Variants in DTX4 observed in about 807,000 individuals in gnomAD.
DTX4 encodes the protein deltex E3 ubiquitin ligase 4, also known as E3 ubiquitin-protein ligase DTX4.
A neutral mutation model predicts 57.6 loss-of-function variants in DTX4; 28 were observed. The observed-to-expected ratio is 0.49, with a 90% CI of 0.36 to 0.67. DTX4 has a LOEUF of 0.67. Among genes scored for constraint, DTX4 ranks in the 30% least tolerant of loss-of-function variants. The pLI is 0.00. For synonymous variants in DTX4, 316 were observed against 331.0 expected, an observed-to-expected ratio of 0.95 and a Z score of 0.49; for missense variants, 715 against 836.8, an observed-to-expected ratio of 0.85 and a Z score of 1.80.
In DTX4 at chr11:59,189,175, C is replaced by T. The variant is rs778689869; in HGVS notation, c.1011C>T (p.Ile337=). Residue 337 remains isoleucine, a synonymous_variant, in exon 4 of 9, where the codon ATC becomes ATT. Transcript: ENST00000227451. Reference sequence around the variant, plus strand: ...TGCCCCTTCCAGGAATCACTGGGATCCTCATGAGTGCAGCGGGGCTGCCTG... The same window carrying T: ...TGCCCCTTCCAGGAATCACTGGGATTCTCATGAGTGCAGCGGGGCTGCCTG... The part of the protein sequence containing the change: ...VNPALAGITG[I]LMSAAGLPVC... 8 of 1,613,528 alleles carry T rather than the reference C, an allele frequency of 5.0e-6. No individual in the cohort carries two copies. Among genetic ancestry groups the T allele is most frequent in the Admixed American group, 1.7e-5 (1 of 60,026 alleles).
chr11:59,192,496 G>T (rs1862612362), intron 6 of DTX4, among the ~76,000 whole-genome samples: 1 of 152,126 alleles, frequency 6.6e-6, no homozygotes, highest in Admixed American at 6.5e-5. Context: ...TCGGTGTCAG[G>T]TCTAAGAGTG....
At chr11:59,190,381 A>G (rs546567603) in intron 4 of DTX4, among the ~76,000 whole-genome samples, 1 of 152,320 alleles carries the variant, frequency 6.6e-6, no homozygotes, top group African/African-American at 2.4e-5. Context: ...AGGTAGTGCT[A>G]TTGCTCATCC....
chr11:59,181,238 G>A (rs1862458590), intron 1 of DTX4, among the ~76,000 whole-genome samples: 1 of 152,176 alleles, frequency 6.6e-6, no homozygotes, highest in African/African-American at 2.4e-5. Flanking sequence ...CCTACTGTGT[G>A]TCAAGGGCTT....
In DTX4 at chr11:59,185,997, C is replaced by T. The variant is rs867031345; in HGVS notation, c.936-2738C>T. 3.9e-5 allele frequency among the ~76,000 whole-genome samples: 6 copies of T among 152,078 alleles called. No individual in the cohort carries two copies. The South Asian group carries it at 1.0e-3, about 26-fold the overall frequency. ...AAAGGCAAAGCAGGTCAGTGCTGAGCGGGGCTAAAACAAAGACTCCCTGAC... is the reference window on the plus strand; with the variant it reads ...AAAGGCAAAGCAGGTCAGTGCTGAGTGGGGCTAAAACAAAGACTCCCTGAC... On this transcript the variant is annotated intron_variant, in intron 2 of 8. Transcript: ENST00000227451.
chr11:59,204,175 G>GCACA (rs1347719864), intron 8 of DTX4, among the ~76,000 whole-genome samples: 2 of 152,100 alleles, frequency 1.3e-5, no homozygotes, highest in Non-Finnish European at 2.9e-5. Context: ...GAAAAATAGT[G>GCACA]CACAGCTTCA....
intron 3 of DTX4, 141 bp downstream of exon 3, chr11:59,188,937 G>A: frequency 1.0e-6 from 1 of 967,540 alleles, no homozygotes; most frequent in Admixed American, 2.4e-5. Flanking sequence ...CATGGGAAGG[G>A]TATGAAGAGT....
intron 1 of DTX4, 74 bp from the exon 2 acceptor site, chr11:59,181,665 A>T: frequency 1.3e-6 from 2 of 1,526,844 alleles, no homozygotes; most frequent in Non-Finnish European, 1.8e-6. Context: ...TGGCAATGGC[A>T]TGACTTGTTA....
At chr11:59,199,803 G>A (rs775159922) in intron 8 of DTX4, 30 bp downstream of exon 8, 4 of 1,539,946 alleles carry the variant, frequency 2.6e-6, no homozygotes, top group South Asian at 1.2e-5. Context: ...CATAGAACTA[G>A]GTTTTAGAAT....
In DTX4 at chr11:59,176,170, G is replaced by T. The variant is rs759786897; in HGVS notation, c.211+3364G>T. ...TTGACAGAAGCTGAGTTTTAGCCCC[G>T]CCACAAAACCCTCTACCCTATGTTA... On this transcript the variant is annotated intron_variant, in intron 1 of 8. Coordinates refer to ENST00000227451, the MANE Select transcript of DTX4 (RefSeq NM_015177.2). Among the ~76,000 whole-genome samples, 9 of 152,164 alleles carry T rather than the reference G, an allele frequency of 5.9e-5. No individual in the cohort carries two copies. In the East Asian group the frequency reaches 1.7e-3, roughly 29 times the overall value.
At chr11:59,201,391 A>T (rs1862738403) in intron 8 of DTX4, among the ~76,000 whole-genome samples, 1 of 152,226 alleles carries the variant, frequency 6.6e-6, no homozygotes, top group Non-Finnish European at 1.5e-5. Flanking sequence ...TGGAAGGAGC[A>T]GCCCTCCTGT....
chr11:59,181,959 C>A lies in DTX4; in HGVS notation c.432C>A (p.Asn144Lys), dbSNP rs1862468127. 1 of 1,613,998 alleles carries A rather than the reference C, an allele frequency of 6.2e-7. No homozygotes were observed. Among genetic ancestry groups the A allele is most frequent in the Non-Finnish European group, 8.5e-7 (1 of 1,179,874 alleles). Reference protein sequence around the residue: ...VIDFNTMGQINRQTQRQRRVR... With the variant: ...VIDFNTMGQIKRQTQRQRRVR... ...ACTTCAACACCATGGGCCAGATCAA[C>A]CGTCAGACCCAGCGCCAACGCCGCG... Residue 144 changes from asparagine to lysine, a missense_variant, in exon 2 of 9, where the codon AAC becomes AAA. By Grantham distance (94) the Asn-to-Lys change is moderately conservative. Coordinates refer to ENST00000227451, the MANE Select transcript of DTX4 (RefSeq NM_015177.2).
intron 1 of DTX4, among the ~76,000 whole-genome samples, chr11:59,178,789 G>A (rs1462057989): frequency 6.6e-6 from 1 of 152,166 alleles, no homozygotes; most frequent in East Asian, 1.9e-4. Flanking sequence ...GACCTGAATG[G>A]TAAGGAGAAT....
At chr11:59,179,185 G>A (rs1235132768) in intron 1 of DTX4, among the ~76,000 whole-genome samples, 6 of 152,108 alleles carry the variant, frequency 3.9e-5, no homozygotes, top group African/African-American at 1.4e-4. Context: ...GGTATTTCTA[G>A]GATTGCTATG....
At chr11:59,203,836 A>G (rs554536036) in intron 8 of DTX4, among the ~76,000 whole-genome samples, 1 of 152,366 alleles carries the variant, frequency 6.6e-6, no homozygotes, top group East Asian at 1.9e-4. Context: ...CCAATGCCCA[A>G]CACTGAGAAA....
chr11:59,175,986 T>C (rs1460053576), intron 1 of DTX4, among the ~76,000 whole-genome samples: 1 of 151,982 alleles, frequency 6.6e-6, no homozygotes, highest in East Asian at 1.9e-4. Flanking sequence ...AACAGGTGAA[T>C]GGGTTGGCCC....
At chr11:59,184,514 G>A (rs192787204) in intron 2 of DTX4, among the ~76,000 whole-genome samples, 3 of 152,350 alleles carry the variant, frequency 2.0e-5, no homozygotes, top group African/African-American at 4.8e-5. Context: ...GTTAACAGGT[G>A]TCCATGTAGG....
chr11:59,177,236 A>G (rs1194163305), intron 1 of DTX4, among the ~76,000 whole-genome samples: 1 of 152,168 alleles, frequency 6.6e-6, no homozygotes, highest in Non-Finnish European at 1.5e-5. Flanking sequence ...GGCCATTCAC[A>G]TGCAGATTCC....
chr11:59,178,255 C>G (rs1225510870), intron 1 of DTX4, among the ~76,000 whole-genome samples: 1 of 151,060 alleles, frequency 6.6e-6, no homozygotes, highest in Non-Finnish European at 1.5e-5. Context: ...TATGAGGGGG[C>G]CATGTATGTT....
Position 59,205,069 on chromosome 11 carries a change from G to A in DTX4, c.*160G>A, listed in dbSNP as rs981133933. ...CTCATCCCTCCCAACCACAGTGGGA[G>A]CCAGACTGAATATAGCGACATCATT... On this transcript the variant is annotated 3_prime_UTR_variant, in exon 9 of 9. Transcript: ENST00000227451. The A allele has an allele frequency of 2.2e-5, 14 of 633,760 alleles. No homozygotes were observed. Among genetic ancestry groups the A allele is most frequent in the Admixed American group, 8.5e-5 (3 of 35,464 alleles). The allele number at this position is 633,760 out of a possible 1,614,324, so 39.3% of individuals were successfully genotyped here. A position where few individuals can be genotyped will look rare whatever the true frequency, so the allele number is the denominator to read the frequency against.
Sources: gnomAD v4.1 joint callset for allele counts (sites outside exome capture counted in the v4.1 genomes callset) on GRCh38, gnomAD v4.1.1 for gene constraint, MANE v1.5 for transcripts, NCBI Gene and HGNC (gene_info 2026-07-23, HGNC 2026-07-21) for gene names.